Variants in USP32 observed in about 807,000 individuals in gnomAD.
USP32 encodes the protein ubiquitin carboxyl-terminal hydrolase 32.
A neutral mutation model predicts 204.8 loss-of-function variants in USP32; 59 were observed. The observed-to-expected ratio is 0.29, with a 90% CI of 0.23 to 0.36. The LOEUF (loss-of-function observed/expected upper bound fraction) is 0.36, where lower values mean the gene tolerates loss of function less well. USP32 is among the 10% of genes least tolerant of loss of function. USP32 has a pLI of 1.00. For synonymous variants in USP32, 517 were observed against 678.4 expected, an observed-to-expected ratio of 0.76 and a Z score of 3.70; for missense variants, 1,160 against 1,946.4, an observed-to-expected ratio of 0.60 and a Z score of 7.60.
At chr17:60,211,669 G>A (rs1453017298) in intron 19 of USP32, among the ~76,000 whole-genome samples, 155 bp from the exon 20 acceptor site, 1 of 152,086 alleles carries the variant, frequency 6.6e-6, no homozygotes, top group Non-Finnish European at 1.5e-5. Flanking sequence ...GCTAGAGAAG[G>A]CTTTTCATGG....
chr17:60,238,197 G>A (rs1450071369), intron 11 of USP32, among the ~76,000 whole-genome samples: 1 of 152,150 alleles, frequency 6.6e-6, no homozygotes, highest in Non-Finnish European at 1.5e-5. Context: ...AACATCTGGA[G>A]AAACATGTAT....
intron 2 of USP32, among the ~76,000 whole-genome samples, chr17:60,341,225 T>C (rs149376161): frequency 6.6e-6 from 1 of 152,178 alleles, no homozygotes; most frequent in Non-Finnish European, 1.5e-5. Flanking sequence ...CCTTGCTAGG[T>C]TGGGGAAGTT....
chr17:60,190,277 AAC>A (rs2084345675), intron 29 of USP32, among the ~76,000 whole-genome samples: 13 of 152,184 alleles, frequency 8.5e-5, no homozygotes, highest in African/African-American at 1.4e-4. Flanking sequence ...CAGGCTGCCG[AAC>A]AGTAAGCTAA....
At chr17:60,227,068 T>C (rs1362937498) in intron 12 of USP32, among the ~76,000 whole-genome samples, 4 of 151,120 alleles carry the variant, frequency 2.6e-5, no homozygotes, top group Non-Finnish European at 5.9e-5. Context: ...AAATCATATT[T>C]TTTTCTTTCA....
chr17:60,198,133 G>A (rs1385108277), intron 27 of USP32, 127 bp downstream of exon 27: 2 of 1,252,290 alleles, frequency 1.6e-6, no homozygotes, highest in African/African-American at 1.5e-5. Context: ...ATTGTATGCT[G>A]TCTGAGTGGT....
intron 11 of USP32, among the ~76,000 whole-genome samples, chr17:60,248,483 A>G (rs909287256): frequency 6.6e-6 from 1 of 152,162 alleles, no homozygotes; most frequent in Non-Finnish European, 1.5e-5. Flanking sequence ...GACTTTCATT[A>G]TGCATATTTT....
chr17:60,388,176 A>C (rs892026045), intron 1 of USP32, among the ~76,000 whole-genome samples: 1 of 152,154 alleles, frequency 6.6e-6, no homozygotes, highest in Non-Finnish European at 1.5e-5. Flanking sequence ...TCACTCAGCT[A>C]CTAAGAGCAA....
At chr17:60,184,390 A>G (rs758547386) in intron 30 of USP32, among the ~76,000 whole-genome samples, 8 of 151,286 alleles carry the variant, frequency 5.3e-5, no homozygotes, top group Non-Finnish European at 8.8e-5. Flanking sequence ...TCTAGTTCCT[A>G]TCTGTGGAGC....
At chr17:60,211,681 G>C (rs2084970872) in intron 19 of USP32, among the ~76,000 whole-genome samples, 167 bp from the exon 20 acceptor site, 1 of 152,148 alleles carries the variant, frequency 6.6e-6, no homozygotes, top group Non-Finnish European at 1.5e-5. Context: ...TTTTCATGGA[G>C]TGTCTGGCAA....
chr17:60,342,934 T>C (rs1187288420), intron 2 of USP32, among the ~76,000 whole-genome samples: 1 of 152,168 alleles, frequency 6.6e-6, no homozygotes, highest in African/African-American at 2.4e-5. Flanking sequence ...GCTGCACCCA[T>C]TGTCCAACCA....
At chr17:60,422,189 C>T (rs1175114381) in intron 1 of USP32, 3 of 283,276 alleles carry the variant, frequency 1.1e-5, no homozygotes, top group Non-Finnish European at 2.0e-5. Flanking sequence ...CCCACCACGG[C>T]GTAACCCAGC....
At chr17:60,319,276 T>G (rs953426111) in intron 2 of USP32, among the ~76,000 whole-genome samples, 5 of 152,124 alleles carry the variant, frequency 3.3e-5, no homozygotes, top group Non-Finnish European at 7.4e-5. Context: ...CAACAAAAAT[T>G]TTAAAACATA....
In USP32 at chr17:60,226,369, C is replaced by T. The variant is rs532609871; in HGVS notation, c.1240-138G>A. 2.4e-5 allele frequency: 17 copies of T among 710,402 alleles called. No homozygotes were observed. The East Asian group carries it at 5.3e-4, about 22-fold the overall frequency. The allele number at this position is 710,402 out of a possible 1,614,324, so 44.0% of individuals were successfully genotyped here. On this transcript the variant is annotated intron_variant, in intron 12 of 33. Coordinates refer to ENST00000300896, the MANE Select transcript of USP32 (RefSeq NM_032582.4). ...ACAGACATTTAAAAACATTCTAATA[C>T]ATAGCTATATTTTAATCTCTTTCAG...
intron 9 of USP32, chr17:60,256,673 TG>T: frequency 9.2e-7 from 1 of 1,092,294 alleles, no homozygotes; most frequent in Middle Eastern, 4.4e-4. Context: ...CACTGTAGTG[TG>T]GTATCTGTTG....
chr17:60,356,464 T>A (rs1252116207), intron 1 of USP32, among the ~76,000 whole-genome samples: 2 of 152,144 alleles, frequency 1.3e-5, no homozygotes, highest in Non-Finnish European at 2.9e-5. Flanking sequence ...GCAAACTGAC[T>A]GTACAACATT....
intron 2 of USP32, among the ~76,000 whole-genome samples, chr17:60,327,666 C>G (rs573527958): frequency 3.3e-5 from 5 of 152,326 alleles, no homozygotes; most frequent in African/African-American, 1.2e-4. Context: ...TGAGCGAAAG[C>G]CCCGCCCTCT....
intron 2 of USP32, among the ~76,000 whole-genome samples, chr17:60,327,496 A>ACCC: frequency 3.0e-5 from 1 of 33,374 alleles, no homozygotes; most frequent in Admixed American, 2.8e-4. Flanking sequence ...GGGCCCGCCC[A>ACCC]CCCCACCCCA....
intron 12 of USP32, among the ~76,000 whole-genome samples, chr17:60,226,595 G>A (rs969750387): frequency 6.6e-6 from 1 of 151,796 alleles, no homozygotes; most frequent in Non-Finnish European, 1.5e-5. Flanking sequence ...TATTATTAAA[G>A]ATTACATGGT....
chr17:60,212,778 A>T (rs2085003935), intron 18 of USP32, among the ~76,000 whole-genome samples: 1 of 151,394 alleles, frequency 6.6e-6, no homozygotes, highest in Non-Finnish European at 1.5e-5. Context: ...TTTTTGAGAC[A>T]GTCTGGCTTT....
Sources: allele counts gnomAD v4.1 joint callset (sites outside exome capture counted in the v4.1 genomes callset), GRCh38; gene constraint gnomAD v4.1.1; transcripts MANE v1.5; gene names NCBI Gene and HGNC (gene_info 2026-07-23, HGNC 2026-07-21).